Variants in PTPN13 observed in about 807,000 individuals in gnomAD.
PTPN13 encodes protein tyrosine phosphatase non-receptor type 13, also known as tyrosine-protein phosphatase non-receptor type 13.
Under a neutral mutation model 284.0 loss-of-function variants are expected in PTPN13, and 191 were observed. That is an observed-to-expected ratio of 0.67 (90% CI 0.60 to 0.76). The LOEUF is 0.76. Ranked by LOEUF, PTPN13 falls within the 30% of genes least tolerant of loss-of-function variation. PTPN13 has a pLI of 0.00. For synonymous variants in PTPN13, 986 were observed against 1,022.3 expected, an observed-to-expected ratio of 0.96 and a Z score of 0.68; for missense variants, 2,797 against 2,939.9, an observed-to-expected ratio of 0.95 and a Z score of 1.12.
Position 86,689,005 on chromosome 4 carries a change from C to G in PTPN13, c.361C>G (p.Pro121Ala). 6.5e-7 allele frequency: 1 copy of G among 1,544,828 alleles called. No homozygotes were observed. The highest frequency in any genetic ancestry group is 8.9e-7 in the Non-Finnish European group (1 of 1,117,506). ...TGGCTTTTCCTTTATTTATATTCAG[C>G]CTATTAAGCTTGGAGATCATCTCAA... ...GADYEVPQSQ[P>A]IKLGDHLNSI... The change falls in exon 5 of 48, where the codon CCT (proline) becomes GCT (alanine). Residue 121 changes from proline (P) to alanine (A), a missense_variant and splice_region_variant. Pro to Ala is a conservative substitution (Grantham distance 27). Transcript: ENST00000411767.
At chr4:86,596,904 G>A (rs529692349) in intron 1 of PTPN13, among the ~76,000 whole-genome samples, 2 of 152,216 alleles carry the variant, frequency 1.3e-5, no homozygotes, top group South Asian at 4.1e-4. Context: ...CATTTGAAAT[G>A]AAAAAGAAAC....
intron 10 of PTPN13, among the ~76,000 whole-genome samples, chr4:86,726,082 T>C (rs1212037442): frequency 6.7e-6 from 1 of 149,864 alleles, no homozygotes; most frequent in East Asian, 1.9e-4. Flanking sequence ...GGGAATCCTT[T>C]CTACATTTCT....
In PTPN13 at chr4:86,672,454, G is replaced by T. The variant is rs763567105; in HGVS notation, c.205G>T (p.Glu69Ter). The T allele has an allele frequency of 6.3e-7, 1 of 1,587,122 alleles. No individual in the cohort carries two copies. The change falls in exon 3 of 48, where the codon GAA becomes TAA. Residue 69 changes from glutamate to a stop codon, truncating the protein, a stop_gained. Transcript: ENST00000411767. LOFTEE classifies it high-confidence loss of function. ...ATCTGGTAGTGTGTCATTTACAGAT[G>T]AAAATATTTCCAATCAGGATCTTCG... is the stretch of plus-strand genomic sequence containing the variant. ...LPSGSVSFTD[E>*]NISNQDLRAF... is the part of the protein sequence containing the mutation.
intron 40 of PTPN13, among the ~76,000 whole-genome samples, chr4:86,796,482 A>T (rs1249376067): frequency 2.0e-5 from 3 of 152,004 alleles, no homozygotes; most frequent in Non-Finnish European, 2.9e-5. Flanking sequence ...AGAAAAAAAA[A>T]AATTTTTAAT....
intron 12 of PTPN13, among the ~76,000 whole-genome samples, 183 bp downstream of exon 12, chr4:86,732,949 G>T (rs1692522047): frequency 2.6e-5 from 4 of 151,946 alleles, no homozygotes; most frequent in Admixed American, 2.6e-4. Context: ...AGTTATGTTT[G>T]TTAGGCACCT....
intron 2 of PTPN13, among the ~76,000 whole-genome samples, chr4:86,636,445 C>A (rs140064140): frequency 6.6e-6 from 1 of 152,044 alleles, no homozygotes; most frequent in Non-Finnish European, 1.5e-5. Flanking sequence ...AAAAACCAAG[C>A]GTCATCTAAA....
chr4:86,596,161 G>A (rs1240949180), intron 1 of PTPN13, among the ~76,000 whole-genome samples: 1 of 152,148 alleles, frequency 6.6e-6, no homozygotes, highest in Non-Finnish European at 1.5e-5. Flanking sequence ...GTGGGGAGAG[G>A]ATAGGATGGA....
intron 40 of PTPN13, among the ~76,000 whole-genome samples, chr4:86,794,386 C>T (rs1020653158): frequency 6.6e-6 from 1 of 151,872 alleles, no homozygotes; most frequent in Non-Finnish European, 1.5e-5. Context: ...CACTGCTCAA[C>T]GAAATAAAAG....
chr4:86,771,584 T>C, intron 31 of PTPN13, 49 bp downstream of exon 31: 1 of 1,470,946 alleles, frequency 6.8e-7, no homozygotes, highest in South Asian at 1.4e-5. Context: ...TTGTTGTTAG[T>C]AGCAGTAGCA....
intron 3 of PTPN13, 31 bp from the exon 4 acceptor site, chr4:86,686,679 T>A (rs1196258037): frequency 6.5e-6 from 9 of 1,379,696 alleles, no homozygotes; most frequent in Non-Finnish European, 9.0e-6. Flanking sequence ...TATTTTATCA[T>A]AAAATTATTT....
Position 86,762,769 on chromosome 4 carries a change from A to G in PTPN13, c.3596A>G (p.Tyr1199Cys), listed in dbSNP as rs745629963. 5 of 1,605,868 alleles carry G rather than the reference A, an allele frequency of 3.1e-6. No homozygotes were observed. The Admixed American group carries it at 5.0e-5, about 16-fold the overall frequency. ...PVHLTNEMKN[Y>C]MKKSSYMQDS... ...CATCTCACCAATGAGATGAAAAACT[A>G]CATGAAGAAATCTTCCTACATGCAA... Residue 1199 changes from tyrosine to cysteine, a missense_variant, in exon 24 of 48, where the codon TAC becomes TGC. Tyr to Cys is a radical substitution (Grantham distance 194). Coordinates refer to ENST00000411767, the MANE Select transcript of PTPN13 (RefSeq NM_080683.3).
chr4:86,683,899 GT>G (rs1355380597), intron 3 of PTPN13, among the ~76,000 whole-genome samples: 1 of 152,098 alleles, frequency 6.6e-6, no homozygotes, highest in Non-Finnish European at 1.5e-5. Context: ...TATGAAAAAT[GT>G]TTTTCATATA....
At chr4:86,789,393 G>T (rs568386369) in intron 40 of PTPN13, among the ~76,000 whole-genome samples, 1 of 152,274 alleles carries the variant, frequency 6.6e-6, no homozygotes, top group East Asian at 1.9e-4. Context: ...CTTAGGACTG[G>T]CTTTATGGGC....
In PTPN13 at chr4:86,771,458, C is replaced by T; in HGVS notation, c.5091C>T (p.Pro1697=). 1 of 1,564,838 alleles carries T rather than the reference C, an allele frequency of 6.4e-7. No homozygotes were observed. The highest frequency in any genetic ancestry group is 8.7e-7 in the Non-Finnish European group (1 of 1,153,076). The change falls in exon 31 of 48, where the codon CCC becomes CCT. Residue 1697 remains proline, a synonymous_variant. Coordinates refer to ENST00000411767, the MANE Select transcript of PTPN13 (RefSeq NM_080683.3). The part of the protein sequence containing the change: ...VSQAQSHHEA[P]KSQEDTICTM... ...AGGCACAGAGTCATCATGAAGCACC[C>T]AAGAGTCAAGAAGATACCATTTGTA...
chr4:86,651,955 T>C (rs1725134419), intron 2 of PTPN13, among the ~76,000 whole-genome samples: 1 of 152,156 alleles, frequency 6.6e-6, no homozygotes, highest in Non-Finnish European at 1.5e-5. Flanking sequence ...CACACATCTG[T>C]AGTCCAAGCT....
At chr4:86,645,097 T>G (rs138782895) in intron 2 of PTPN13, among the ~76,000 whole-genome samples, 1,734 of 152,144 alleles carry the variant, frequency 0.011, 10 homozygotes, top group Non-Finnish European at 0.013. Flanking sequence ...TAGTCCCAGC[T>G]ATTCAAGAGG....
At chr4:86,663,918 A>G (rs1726785325) in intron 2 of PTPN13, among the ~76,000 whole-genome samples, 1 of 152,222 alleles carries the variant, frequency 6.6e-6, no homozygotes, top group Non-Finnish European at 1.5e-5. Flanking sequence ...AAAGTCATAC[A>G]TACCTCATTT....
Position 86,672,467 on chromosome 4 carries a change from A to G in PTPN13, c.218A>G (p.Asn73Ser), listed in dbSNP as rs375778703. Residue 73 changes from asparagine (N) to serine (S), a missense_variant, in exon 3 of 48, where the codon AAT becomes AGT. Physicochemically the swap from Asn to Ser is conservative, Grantham distance 46 (BLOSUM62 1). Coordinates refer to ENST00000411767, the MANE Select transcript of PTPN13 (RefSeq NM_080683.3). ...TCATTTACAGATGAAAATATTTCCA[A>G]TCAGGATCTTCGAGCATTCACTGCA... ...SVSFTDENIS[N>S]QDLRAFTAPE... The G allele has an allele frequency of 7.6e-5, 122 of 1,597,674 alleles. 1 individual carries two copies. In the African/African-American group the frequency reaches 9.2e-4, roughly 12 times the overall value.
intron 28 of PTPN13, among the ~76,000 whole-genome samples, chr4:86,768,600 C>T (rs1422299927): frequency 6.6e-6 from 1 of 151,552 alleles, no homozygotes; most frequent in Non-Finnish European, 1.5e-5. Flanking sequence ...AATCAGTCCC[C>T]AAAATAATGA....
Sources: allele counts gnomAD v4.1 joint callset (sites outside exome capture counted in the v4.1 genomes callset), GRCh38; gene constraint gnomAD v4.1.1; transcripts MANE v1.5; gene names NCBI Gene and HGNC (gene_info 2026-07-23, HGNC 2026-07-21).